The following MAPK8 variants were observed in gnomAD, a reference collection of about 807,000 sequenced individuals.
The protein encoded by MAPK8 is mitogen-activated protein kinase 8.
MAPK8 carries 13 observed loss-of-function variants against 52.9 expected under a neutral mutation model. The observed-to-expected ratio is 0.25, with a 90% confidence interval of 0.16 to 0.39. The LOEUF (loss-of-function observed/expected upper bound fraction) is 0.39, where lower values mean the gene tolerates loss of function less well. Ranked by LOEUF, MAPK8 falls within the 10% of genes least tolerant of loss-of-function variation. MAPK8 has a pLI of 1.00. For missense variants in MAPK8, 300 were observed against 519.2 expected, an observed-to-expected ratio of 0.58 and a Z score of 4.10; for synonymous variants, 191 against 169.8, an observed-to-expected ratio of 1.12 and a Z score of -0.97.
At chr10:48,356,008 A>T (rs1187810381) in intron 1 of MAPK8, among the ~76,000 whole-genome samples, 1 of 152,218 alleles carries the variant, frequency 6.6e-6, no homozygotes, top group Non-Finnish European at 1.5e-5. Flanking sequence ...TTGCAGACAA[A>T]AACTGAGCAT....
chr10:48,372,569 G>C (rs1331015331), intron 1 of MAPK8, among the ~76,000 whole-genome samples: 1 of 151,950 alleles, frequency 6.6e-6, no homozygotes, highest in Admixed American at 6.6e-5. Context: ...CGAGAACTTT[G>C]TGAAGCATAC....
At chr10:48,393,200 T>G (rs2041717270) in intron 1 of MAPK8, among the ~76,000 whole-genome samples, 1 of 151,886 alleles carries the variant, frequency 6.6e-6, no homozygotes, top group Non-Finnish European at 1.5e-5. Flanking sequence ...CTCCTACATT[T>G]ATCTTTCACC....
intron 1 of MAPK8, among the ~76,000 whole-genome samples, chr10:48,339,994 A>G (rs1184974235): frequency 6.6e-6 from 1 of 152,182 alleles, no homozygotes; most frequent in African/African-American, 2.4e-5. Context: ...CATTCTGGAG[A>G]TTTCTCAAAG....
intron 1 of MAPK8, among the ~76,000 whole-genome samples, chr10:48,318,694 G>A (rs762049188): frequency 4.6e-5 from 7 of 152,122 alleles, no homozygotes; most frequent in Non-Finnish European, 8.8e-5. Flanking sequence ...AGAGTCTGAG[G>A]TATTAAAAAA....
At chr10:48,318,031 T>A (rs1253316920) in intron 1 of MAPK8, among the ~76,000 whole-genome samples, 1 of 135,432 alleles carries the variant, frequency 7.4e-6, no homozygotes, top group African/African-American at 2.8e-5. Flanking sequence ...TTTTGCCAGG[T>A]GTATTAGAGT....
At chr10:48,308,712 A>G (rs1236519506) in intron 1 of MAPK8, among the ~76,000 whole-genome samples, 1 of 152,152 alleles carries the variant, frequency 6.6e-6, no homozygotes, top group Non-Finnish European at 1.5e-5. Flanking sequence ...GGTGACTCTT[A>G]TTGTGGAAAA....
chr10:48,348,122 T>A (rs1351448427), intron 1 of MAPK8, among the ~76,000 whole-genome samples: 1 of 152,272 alleles, frequency 6.6e-6, no homozygotes, highest in Non-Finnish European at 1.5e-5. Context: ...TGGTTTTGAT[T>A]TGCATTTCTC....
chr10:48,351,210 C>G (rs141189034), intron 1 of MAPK8, among the ~76,000 whole-genome samples: 2,633 of 151,404 alleles, frequency 0.017, 30 homozygotes, highest in South Asian at 0.029. Context: ...TTTATAGATT[C>G]AATGCTATCC....
rs377674445 is a variant in MAPK8, at chr10:48,343,026, A to G, written c.-50+36205A>G. 9.4e-4 allele frequency among the ~76,000 whole-genome samples: 143 copies of G among 152,368 alleles called. 1 individual carries two copies. The highest frequency in any genetic ancestry group is 3.3e-3 in the African/African-American group (138 of 41,586). On this transcript the variant is annotated intron_variant, in intron 1 of 11. Transcript: ENST00000374189. Reference sequence around the variant, plus strand: ...ATAGTGAATCATTAAAGAAGCCTGCAAAGAACTGATTTCAGCAAACCTAGG... The same window carrying G: ...ATAGTGAATCATTAAAGAAGCCTGCGAAGAACTGATTTCAGCAAACCTAGG...
chr10:48,337,040 C>T (rs1176033245), intron 1 of MAPK8, among the ~76,000 whole-genome samples: 1 of 152,154 alleles, frequency 6.6e-6, no homozygotes, highest in African/African-American at 2.4e-5. Flanking sequence ...AGGACTGCAA[C>T]AGCCCACTGA....
chr10:48,388,960 G>A (rs917937455), intron 1 of MAPK8, among the ~76,000 whole-genome samples: 1 of 152,068 alleles, frequency 6.6e-6, no homozygotes, highest in Non-Finnish European at 1.5e-5. Context: ...TAAATGGCTA[G>A]TCAGCCATAG....
At chr10:48,329,120 A>G (rs537386871) in intron 1 of MAPK8, among the ~76,000 whole-genome samples, 2 of 152,366 alleles carry the variant, frequency 1.3e-5, no homozygotes, top group South Asian at 2.1e-4. Context: ...CTCAGGCAAG[A>G]TGAAGTTAAG....
At chr10:48,325,639 A>G (rs1843446418) in intron 1 of MAPK8, among the ~76,000 whole-genome samples, 1 of 152,234 alleles carries the variant, frequency 6.6e-6, no homozygotes, top group Admixed American at 6.5e-5. Context: ...TGGCACATTT[A>G]TTACAATTAG....
intron 1 of MAPK8, among the ~76,000 whole-genome samples, chr10:48,310,409 T>A (rs909003021): frequency 3.9e-5 from 6 of 152,146 alleles, no homozygotes; most frequent in African/African-American, 1.4e-4. Context: ...AATTGTTGAG[T>A]TGAATTTTTT....
chr10:48,310,636 C>T (rs1243767267), intron 1 of MAPK8, among the ~76,000 whole-genome samples: 2 of 152,102 alleles, frequency 1.3e-5, no homozygotes, highest in Non-Finnish European at 2.9e-5. Context: ...AATTTATGCT[C>T]TTTTAAAAGG....
intron 1 of MAPK8, among the ~76,000 whole-genome samples, chr10:48,389,909 T>TAA (rs2041528557): frequency 6.6e-6 from 1 of 152,128 alleles, no homozygotes; most frequent in Non-Finnish European, 1.5e-5. Context: ...GGAGCTGTAT[T>TAA]AAGAGATTTA....
At chr10:48,421,202 T>G (rs1009869294) in intron 6 of MAPK8, among the ~76,000 whole-genome samples, 2 of 152,184 alleles carry the variant, frequency 1.3e-5, no homozygotes, top group African/African-American at 4.8e-5. Flanking sequence ...TTTAAGATTC[T>G]TTTTTTATAA....
chr10:48,319,565 C>T (rs12354871), intron 1 of MAPK8, among the ~76,000 whole-genome samples: 29,206 of 152,016 alleles, frequency 0.19, 3,413 homozygotes, highest in Middle Eastern at 0.32. Context: ...TCCCGGCTCT[C>T]TACAGCCTCC....
chr10:48,429,008 G>A (rs1465486800), intron 10 of MAPK8, among the ~76,000 whole-genome samples: 1 of 147,778 alleles, frequency 6.8e-6, no homozygotes, highest in East Asian at 2.0e-4. Context: ...TTTTTTTTGA[G>A]ACAGGGTCTC....
Sources: gnomAD v4.1 joint callset for allele counts (sites outside exome capture counted in the v4.1 genomes callset) on GRCh38, gnomAD v4.1.1 for gene constraint, MANE v1.5 for transcripts, NCBI Gene and HGNC (gene_info 2026-07-23, HGNC 2026-07-21) for gene names.